The following ZNF385B variants were observed in gnomAD, a reference collection of about 807,000 sequenced individuals.
ZNF385B encodes the protein zinc finger protein 533.
Under a neutral mutation model 39.2 loss-of-function variants are expected in ZNF385B, and 23 were observed. The observed-to-expected ratio is 0.59, with a 90% CI of 0.42 to 0.83. ZNF385B has a LOEUF of 0.83. ZNF385B is among the 40% of genes least tolerant of loss of function. The probability of loss-of-function intolerance (pLI) is 0.00; values close to 1 mark genes in which losing one functional copy is unlikely to be tolerated. For synonymous variants in ZNF385B, 205 were observed against 222.6 expected, an observed-to-expected ratio of 0.92 and a Z score of 0.70; for missense variants, 552 against 598.9, an observed-to-expected ratio of 0.92 and a Z score of 0.82.
chr2:179,442,986 G>T lies in ZNF385B; in HGVS notation c.*264C>A, dbSNP rs1474872755. ...CATGCTCAAGAAATCAAATATCTGA[G>T]ATACACAAATTGAACGCGGTAGGGT... is the stretch of plus-strand genomic sequence containing the variant. On this transcript the variant is annotated 3_prime_UTR_variant, in exon 10 of 10. Coordinates refer to ENST00000410066, the MANE Select transcript of ZNF385B (RefSeq NM_152520.6). 1 of 556,484 alleles carries T rather than the reference G, an allele frequency of 1.8e-6. No homozygotes were observed. The highest frequency in any genetic ancestry group is 3.2e-6 in the Non-Finnish European group (1 of 310,686). 34.5% of individuals were successfully genotyped at this position (556,484 alleles called of 1,614,324 possible). A position where few individuals can be genotyped will look rare whatever the true frequency, so the allele number is the denominator to read the frequency against.
At chr2:179,628,099 G>C (rs1160824739) in intron 3 of ZNF385B, among the ~76,000 whole-genome samples, 1 of 151,488 alleles carries the variant, frequency 6.6e-6, no homozygotes, top group Non-Finnish European at 1.5e-5. Flanking sequence ...CATTTTATTT[G>C]TAAATACATC....
intron 1 of ZNF385B, among the ~76,000 whole-genome samples, chr2:179,779,497 T>C (rs1704540080): frequency 6.6e-6 from 1 of 152,168 alleles, no homozygotes; most frequent in Non-Finnish European, 1.5e-5. Flanking sequence ...TATGATCAGA[T>C]TTCAGCTGTG....
chr2:179,643,876 TGAAAA>T (rs962678767), intron 3 of ZNF385B, among the ~76,000 whole-genome samples: 8 of 152,066 alleles, frequency 5.3e-5, no homozygotes, highest in African/African-American at 1.9e-4. Flanking sequence ...TATTAAAAAA[TGAAAA>T]GAAATCATAT....
intron 3 of ZNF385B, chr2:179,746,081 C>T: frequency 9.8e-7 from 1 of 1,018,242 alleles, no homozygotes; most frequent in Non-Finnish European, 1.2e-6. Context: ...TGCTGAGAAA[C>T]AGGCAACCTA....
intron 5 of ZNF385B, among the ~76,000 whole-genome samples, chr2:179,513,825 G>A (rs1274559959): frequency 2.6e-5 from 4 of 152,286 alleles, no homozygotes; most frequent in Non-Finnish European, 5.9e-5. Flanking sequence ...CTTAGGAAAT[G>A]AGTAAAGTTT....
At chr2:179,704,589 A>G (rs990208126) in intron 3 of ZNF385B, among the ~76,000 whole-genome samples, 7 of 152,218 alleles carry the variant, frequency 4.6e-5, no homozygotes, top group African/African-American at 1.7e-4. Context: ...TGAAATATAA[A>G]GAAATGAAGA....
At chr2:179,521,178 TTTTG>T (rs762975710) in intron 4 of ZNF385B, among the ~76,000 whole-genome samples, 2,072 of 50,838 alleles carry the variant, frequency 0.041, 48 homozygotes, top group African/African-American at 0.11. Flanking sequence ...TTTTTTTTGT[TTTTG>T]TTTTTGTTTT....
intron 3 of ZNF385B, among the ~76,000 whole-genome samples, chr2:179,721,379 T>C (rs890406866): frequency 2.6e-5 from 4 of 152,138 alleles, no homozygotes; most frequent in Non-Finnish European, 5.9e-5. Flanking sequence ...AGATTGGTTA[T>C]AAAGGTGAGT....
chr2:179,524,020 A>G (rs2058694168), intron 4 of ZNF385B, among the ~76,000 whole-genome samples: 1 of 151,868 alleles, frequency 6.6e-6, no homozygotes, highest in Non-Finnish European at 1.5e-5. Context: ...CTGGTCTTGA[A>G]CTTCTGGCCT....
chr2:179,627,951 A>C (rs3112959), intron 3 of ZNF385B, among the ~76,000 whole-genome samples: 1 of 152,214 alleles, frequency 6.6e-6, no homozygotes, highest in South Asian at 2.1e-4. Flanking sequence ...AGTTACAATA[A>C]TAGAAATCCT....
At chr2:179,600,374 C>T (rs991046634) in intron 3 of ZNF385B, among the ~76,000 whole-genome samples, 1 of 152,074 alleles carries the variant, frequency 6.6e-6, no homozygotes, top group African/African-American at 2.4e-5. Flanking sequence ...GGTTTAGCAT[C>T]GTGACTAAAA....
At chr2:179,805,922 T>C (rs1450363501) in intron 1 of ZNF385B, among the ~76,000 whole-genome samples, 1 of 152,126 alleles carries the variant, frequency 6.6e-6, no homozygotes, top group Non-Finnish European at 1.5e-5. Flanking sequence ...AAAAATAAAT[T>C]CCAGAGAGAA....
chr2:179,515,266 C>T (rs1482514602), intron 5 of ZNF385B, among the ~76,000 whole-genome samples: 1 of 152,158 alleles, frequency 6.6e-6, no homozygotes, highest in Non-Finnish European at 1.5e-5. Flanking sequence ...ATAGGCAAAT[C>T]CTTATTTGTG....
At position 179,690,641 on chromosome 2, in the gene ZNF385B, T is replaced by C. The variant is rs192631980; in HGVS notation, c.298+78862A>G. ...AAGAATTAGTTGATATGCAGTGTTG[T>C]AGCATAGAAAGAAACTTAGGGTCAA... On this transcript the variant is annotated intron_variant, in intron 3 of 9. Transcript: ENST00000410066. Among the ~76,000 whole-genome samples the C allele has an allele frequency of 2.0e-3, 308 of 152,330 alleles. 2 individuals are homozygous for C. The highest frequency in any genetic ancestry group is 7.2e-3 in the African/African-American group (299 of 41,572).
intron 3 of ZNF385B, among the ~76,000 whole-genome samples, chr2:179,560,398 A>G (rs1433009459): frequency 1.3e-5 from 2 of 152,244 alleles, no homozygotes; most frequent in African/African-American, 4.8e-5. Context: ...ACCAAAGGAA[A>G]GTAAACAATT....
At chr2:179,444,751 C>A in intron 9 of ZNF385B, 125 bp downstream of exon 9, 1 of 800,022 alleles carries the variant, frequency 1.2e-6, no homozygotes, top group African/African-American at 1.7e-5. Flanking sequence ...AAACTTCTGT[C>A]TATGAGGGCT....
intron 1 of ZNF385B, among the ~76,000 whole-genome samples, chr2:179,815,044 C>T (rs1349648056): frequency 2.6e-5 from 4 of 152,158 alleles, no homozygotes; most frequent in Admixed American, 6.5e-5. Context: ...ATGTCTCTAT[C>T]GTTTTTGTCT....
Position 179,442,025 on chromosome 2 carries a change from T to G in ZNF385B, c.*1225A>C, listed in dbSNP as rs573242731. 1.3e-5 allele frequency: 2 copies of G among 152,688 alleles called. No homozygotes were observed. Among genetic ancestry groups the G allele is most frequent in the East Asian group, 3.9e-4 (2 of 5,182 alleles). The allele number at this position is 152,688 out of a possible 1,614,324, so 9.5% of individuals were successfully genotyped here. On this transcript the variant is annotated 3_prime_UTR_variant, in exon 10 of 10. Coordinates refer to ENST00000410066, the MANE Select transcript of ZNF385B (RefSeq NM_152520.6). Reference sequence around the variant, plus strand: ...TATTGAAAAGGTACATTTAAAAAAATACACAGACATTTTACCATTTACAGG... The same window carrying G: ...TATTGAAAAGGTACATTTAAAAAAAGACACAGACATTTTACCATTTACAGG...
chr2:179,679,885 A>AT (rs1295224705), intron 3 of ZNF385B, among the ~76,000 whole-genome samples: 4 of 152,034 alleles, frequency 2.6e-5, no homozygotes, highest in African/African-American at 7.3e-5. Flanking sequence ...CTGATCCCTG[A>AT]TTTCTCTCCA....
Sources: gnomAD v4.1 joint callset for allele counts (sites outside exome capture counted in the v4.1 genomes callset) on GRCh38, gnomAD v4.1.1 for gene constraint, MANE v1.5 for transcripts, NCBI Gene and HGNC (gene_info 2026-07-23, HGNC 2026-07-21) for gene names.